The following CYP2J2 variants were observed in gnomAD, a reference collection of about 807,000 sequenced individuals.
CYP2J2 encodes the protein cytochrome P450 family 2 subfamily J member 2.
Under a neutral mutation model 48.8 loss-of-function variants are expected in CYP2J2, and 41 were observed. The ratio of observed to expected loss-of-function variants is 0.84; its 90% CI spans 0.66 to 1.09. The LOEUF is 1.09. Ranked by LOEUF, CYP2J2 falls within the 50% of genes least tolerant of loss-of-function variation. The pLI is 0.00. For missense variants in CYP2J2, 644 were observed against 617.3 expected, an observed-to-expected ratio of 1.04 and a Z score of -0.46; for synonymous variants, 221 against 227.1, an observed-to-expected ratio of 0.97 and a Z score of 0.24.
chr1:59,957,844 G>A, the CYP2J2 span, among the ~76,000 whole-genome samples: 1 of 152,048 alleles, frequency 6.6e-6, no homozygotes, highest in Non-Finnish European at 1.5e-5. Context: ...GGGGTAAACA[G>A]ATTACTCTAA....
At chr1:59,905,751 T>C (rs946178472) in intron 6 of CYP2J2, among the ~76,000 whole-genome samples, 12 of 152,222 alleles carry the variant, frequency 7.9e-5, no homozygotes, top group Non-Finnish European at 1.0e-4. Context: ...CATGAACTGA[T>C]GTTTTGAGAT....
intron 4 of CYP2J2, among the ~76,000 whole-genome samples, chr1:59,910,483 T>G (rs757425710): frequency 1.3e-5 from 2 of 152,190 alleles, no homozygotes; most frequent in African/African-American, 2.4e-5. Context: ...TACACAGTGA[T>G]TCATGATTGT....
chr1:59,925,708 T>C (rs931896837), intron 1 of CYP2J2, among the ~76,000 whole-genome samples: 13 of 152,228 alleles, frequency 8.5e-5, no homozygotes, highest in African/African-American at 3.1e-4. Flanking sequence ...TATACAGCCA[T>C]GTGTTTAAAG....
At chr1:59,950,610 A>C in the CYP2J2 span, among the ~76,000 whole-genome samples, 1 of 152,140 alleles carries the variant, frequency 6.6e-6, no homozygotes, top group South Asian at 2.1e-4. Flanking sequence ...GAAGCGGGTA[A>C]TTTAAATCAC....
intron 4 of CYP2J2, 131 bp downstream of exon 4, chr1:59,911,477 G>C: frequency 1.7e-6 from 1 of 588,320 alleles, no homozygotes; most frequent in Non-Finnish European, 2.9e-6. Flanking sequence ...AAATAAGTTT[G>C]TGTTGAAATT....
At chr1:59,959,592 GTATATATGTGC>G in the CYP2J2 span, among the ~76,000 whole-genome samples, 1 of 151,718 alleles carries the variant, frequency 6.6e-6, no homozygotes, top group Non-Finnish European at 1.5e-5. Context: ...GTATGTATGT[GTATATATGTGC>G]TATATATGTA....
chr1:59,955,281 T>TATATATATATCCATATATATATATCC, the CYP2J2 span, among the ~76,000 whole-genome samples: 2 of 102,716 alleles, frequency 1.9e-5, no homozygotes, highest in Non-Finnish European at 3.7e-5. Context: ...TATATATCCA[T>TATATATATATCCATATATATATATCC]ATATATATAT....
At chr1:59,907,361 G>A (rs776936863) in intron 6 of CYP2J2, among the ~76,000 whole-genome samples, 14 of 152,218 alleles carry the variant, frequency 9.2e-5, no homozygotes, top group East Asian at 1.9e-4. Flanking sequence ...GGGTAGGTGC[G>A]GCCAAGGCTA....
the CYP2J2 span, among the ~76,000 whole-genome samples, chr1:59,936,066 C>T: frequency 6.6e-6 from 1 of 152,158 alleles, no homozygotes; most frequent in African/African-American, 2.4e-5. Flanking sequence ...TGCGTCTGGC[C>T]CAGAATATAC....
chr1:59,929,890 A>G (rs12752717), upstream of CYP2J2, among the ~76,000 whole-genome samples: 9,571 of 152,252 alleles, frequency 0.063, 733 homozygotes, highest in African/African-American at 0.18. Flanking sequence ...CACGAAAAGC[A>G]TTAATCCATG....
At chr1:59,916,192 G>T in intron 1 of CYP2J2, 92 bp from the exon 2 acceptor site, 1 of 1,086,140 alleles carries the variant, frequency 9.2e-7, no homozygotes, top group Non-Finnish European at 1.4e-6. Context: ...ATCATATTGA[G>T]AGGAGTGCGT....
At chr1:59,955,142 AAAAT>A in the CYP2J2 span, among the ~76,000 whole-genome samples, 9,269 of 145,760 alleles carry the variant, frequency 0.064, 800 homozygotes, top group East Asian at 0.43. Context: ...CTCCAAAATT[AAAAT>A]AAATAAATAA....
At chr1:59,962,934 A>T in the CYP2J2 span, among the ~76,000 whole-genome samples, 2 of 152,234 alleles carry the variant, frequency 1.3e-5, no homozygotes, top group African/African-American at 4.8e-5. Context: ...TTTCTCAACA[A>T]GCTGACTCCA....
the CYP2J2 span, among the ~76,000 whole-genome samples, chr1:59,954,115 C>CTGGA: frequency 6.6e-6 from 1 of 152,118 alleles, no homozygotes; most frequent in Non-Finnish European, 1.5e-5. Flanking sequence ...TTCCCCCATC[C>CTGGA]TGATATTCAC....
upstream of CYP2J2, chr1:59,926,802 C>T: frequency 1.4e-6 from 2 of 1,477,922 alleles, no homozygotes; most frequent in Admixed American, 2.0e-5. Context: ...TCCCAGCAGG[C>T]GACGGTCCCC....
chr1:59,904,748 A>G lies in CYP2J2; in HGVS notation c.1191+123T>C, dbSNP rs976540003. On this transcript the variant is annotated intron_variant, in intron 7 of 8. Transcript: ENST00000371204. ...CTACACATGGAGAAAATCTAGTATT[A>G]TATCAGGTATAAGATATCTTTTTCT... 4.2e-5 allele frequency: 33 copies of G among 779,976 alleles called. 1 individual carries two copies. The highest frequency in any genetic ancestry group is 7.5e-4 in the Middle Eastern group (2 of 2,660). 48.3% of individuals were successfully genotyped at this position (779,976 alleles called of 1,614,324 possible).
intron 8 of CYP2J2, 24 bp from the exon 9 acceptor site, chr1:59,893,853 G>T: frequency 6.3e-7 from 1 of 1,579,196 alleles, no homozygotes; most frequent in South Asian, 1.2e-5. Context: ...TCAAAAGACG[G>T]GTTATCTTCT....
chr1:59,916,936 A>G (rs1236899953), intron 1 of CYP2J2, among the ~76,000 whole-genome samples: 1 of 152,028 alleles, frequency 6.6e-6, no homozygotes, highest in Non-Finnish European at 1.5e-5. Flanking sequence ...ACCAAATGAG[A>G]ATGCCCCCTT....
At chr1:59,922,050 C>T (rs1353102774) in intron 1 of CYP2J2, among the ~76,000 whole-genome samples, 3 of 152,152 alleles carry the variant, frequency 2.0e-5, no homozygotes, top group African/African-American at 7.2e-5. Context: ...GGCGGCATCG[C>T]AGGTCCAGAA....
Sources: gnomAD v4.1 joint callset for allele counts (sites outside exome capture counted in the v4.1 genomes callset) on GRCh38, gnomAD v4.1.1 for gene constraint, MANE v1.5 for transcripts, NCBI Gene and HGNC (gene_info 2026-07-23, HGNC 2026-07-21) for gene names.